MANBA: variants seen among roughly 807,000 people sequenced by gnomAD.
MANBA encodes the protein mannosidase beta.
Under a neutral mutation model 111.1 loss-of-function variants are expected in MANBA, and 83 were observed. The ratio of observed to expected loss-of-function variants is 0.75; its 90% CI spans 0.63 to 0.90. The LOEUF (loss-of-function observed/expected upper bound fraction) is 0.90. MANBA is among the 40% of genes least tolerant of loss of function. The probability of loss-of-function intolerance (pLI) is 0.00; values close to 1 mark genes in which losing one functional copy is unlikely to be tolerated. For synonymous variants in MANBA, 370 were observed against 378.7 expected (o/e 0.98, Z 0.27); for missense variants, 1,036 against 1,069.0 (o/e 0.97, Z 0.43).
At chr4:102,756,572 T>C (rs1280683751) in intron 1 of MANBA, among the ~76,000 whole-genome samples, 2 of 151,950 alleles carry the variant, frequency 1.3e-5, no homozygotes, top group African/African-American at 4.8e-5. Flanking sequence ...GGCACATGTA[T>C]ACATATGTAA....
rs1729546873 is a variant in MANBA, at chr4:102,634,856, T to TGA, written c.2346_2347insTC (p.Pro784AlafsTer50). The stretch of plus-strand genomic sequence containing the variant: ...GACAAGAAGTGGTAGTTGGTCGGGC[T>TGA]CAGGAGTTCATGGTCAGCTGAAAGG... On this transcript the variant is annotated frameshift_variant, in exon 16 of 17. Coordinates refer to ENST00000647097, the MANE Select transcript of MANBA (RefSeq NM_005908.4). LOFTEE classifies it high-confidence loss of function. 2 of 1,614,226 alleles carry TGA rather than the reference T, an allele frequency of 1.2e-6. No homozygotes were observed.
intron 4 of MANBA, among the ~76,000 whole-genome samples, chr4:102,720,197 G>A (rs1024742856): frequency 1.3e-5 from 2 of 152,198 alleles, no homozygotes; most frequent in African/African-American, 2.4e-5. Context: ...CACTTTGGGA[G>A]GCCAAGGTGG....
chr4:102,702,506 T>C (rs1386351443), intron 5 of MANBA, among the ~76,000 whole-genome samples: 3 of 152,130 alleles, frequency 2.0e-5, no homozygotes, highest in Admixed American at 2.0e-4. Flanking sequence ...TTTTGGTCTT[T>C]GATGATGGTG....
chr4:102,683,064 G>C (rs912597133), intron 7 of MANBA, among the ~76,000 whole-genome samples: 3 of 151,784 alleles, frequency 2.0e-5, no homozygotes, highest in African/African-American at 7.3e-5. Context: ...AGAGAGCCAA[G>C]AGTAGCACTT....
intron 8 of MANBA, 87 bp downstream of exon 8, chr4:102,673,832 G>T: frequency 1.6e-6 from 2 of 1,265,784 alleles, no homozygotes; most frequent in South Asian, 1.2e-5. Flanking sequence ...CTTGCCCAGA[G>T]ACTAAAGAAA....
At chr4:102,645,492 G>T (rs1730063444) in intron 13 of MANBA, among the ~76,000 whole-genome samples, 1 of 151,816 alleles carries the variant, frequency 6.6e-6, no homozygotes, top group Non-Finnish European at 1.5e-5. Flanking sequence ...ATCTGGTCCT[G>T]GATTTTTCTT....
intron 1 of MANBA, among the ~76,000 whole-genome samples, chr4:102,758,222 T>C (rs921640492): frequency 1.3e-5 from 2 of 152,216 alleles, no homozygotes; most frequent in Non-Finnish European, 2.9e-5. Flanking sequence ...GTCTATCTCC[T>C]CCATTAGAAT....
chr4:102,754,853 C>T (rs1723947947), intron 1 of MANBA, among the ~76,000 whole-genome samples: 1 of 152,002 alleles, frequency 6.6e-6, no homozygotes, highest in South Asian at 2.1e-4. Flanking sequence ...CTGTGCCTGC[C>T]CAAGAGTTGT....
chr4:102,748,802 A>G (rs1482009060), intron 1 of MANBA, among the ~76,000 whole-genome samples: 2 of 152,054 alleles, frequency 1.3e-5, no homozygotes, highest in Non-Finnish European at 2.9e-5. Context: ...AATCCCGGCT[A>G]CTCGGGAGGC....
chr4:102,758,960 G>T (rs1401815730), intron 1 of MANBA, among the ~76,000 whole-genome samples: 2 of 152,112 alleles, frequency 1.3e-5, no homozygotes, highest in Non-Finnish European at 2.9e-5. Flanking sequence ...AGAGAGTTAA[G>T]AAATCTCTTC....
At chr4:102,691,632 A>C (rs1369096983) in intron 5 of MANBA, among the ~76,000 whole-genome samples, 1 of 151,050 alleles carries the variant, frequency 6.6e-6, no homozygotes, top group Non-Finnish European at 1.5e-5. Context: ...CAGCCTTCTG[A>C]GCAGCTGGCA....
At chr4:102,751,857 A>G (rs1427978496) in intron 1 of MANBA, 10 of 525,658 alleles carry the variant, frequency 1.9e-5, no homozygotes, top group Non-Finnish European at 3.4e-5. Context: ...AAAAAAAGAT[A>G]GTTTGTCTTG....
chr4:102,727,811 A>G, intron 1 of MANBA: 1 of 642,904 alleles, frequency 1.6e-6, no homozygotes, highest in Non-Finnish European at 2.8e-6. Context: ...ATTCTGATGG[A>G]GAAATACTTC....
At position 102,632,262 on chromosome 4, in the gene MANBA, C is replaced by G. The variant is rs773604239; in HGVS notation, c.2435G>C (p.Gly812Ala). ...CTCCAGGTCAAAAACAAATATGTCA[C>G]CTTGCTGAGAGATGATGGCCTGAAA... is the stretch of plus-strand genomic sequence containing the variant. ...AQITAIISQQ[G>A]DIFVFDLETS... The change falls in exon 17 of 17, where the codon GGT becomes GCT. Residue 812 changes from glycine to alanine, a missense_variant. Gly to Ala is a moderately conservative substitution (Grantham distance 60). Coordinates refer to ENST00000647097, the MANE Select transcript of MANBA (RefSeq NM_005908.4). The G allele has an allele frequency of 6.2e-7, 1 of 1,611,208 alleles. No individual in the cohort carries two copies. Among genetic ancestry groups the G allele is most frequent in the Non-Finnish European group, 8.5e-7 (1 of 1,178,638 alleles).
chr4:102,696,229 GT>G (rs1732700917), intron 5 of MANBA, among the ~76,000 whole-genome samples: 1 of 152,016 alleles, frequency 6.6e-6, no homozygotes, highest in Admixed American at 6.6e-5. Flanking sequence ...TTGTCTCAAA[GT>G]AAAAAAAGAA....
intron 16 of MANBA, among the ~76,000 whole-genome samples, chr4:102,634,063 GAAGAT>G (rs1479248087): frequency 6.6e-6 from 1 of 152,160 alleles, no homozygotes; most frequent in East Asian, 1.9e-4. Flanking sequence ...TGAGTGTCCA[GAAGAT>G]AAGATAATAA....
intron 12 of MANBA, among the ~76,000 whole-genome samples, chr4:102,657,227 G>GGGA (rs1553944241): frequency 3.2e-5 from 4 of 123,340 alleles, no homozygotes; most frequent in African/African-American, 1.2e-4. Flanking sequence ...TGGGGTGGGG[G>GGGA]GGGGGTGGGC....
rs59822982 is a variant in MANBA, at chr4:102,668,892, C to G, written c.1317+71G>C. On this transcript the variant is annotated intron_variant, in intron 10 of 16. Coordinates refer to ENST00000647097, the MANE Select transcript of MANBA (RefSeq NM_005908.4). ...GTAGAGAACAAAAACCAAAATGAAG[C>G]AAGATTTAACAAAAGGCAATACTAA... 0.015 allele frequency: 19,836 copies of G among 1,297,512 alleles called. 1,790 individuals are homozygous for G. In the African/African-American group the frequency reaches 0.22, roughly 15 times the overall value. 80.4% of individuals were successfully genotyped at this position (1,297,512 alleles called of 1,614,324 possible). A position where few individuals can be genotyped will look rare whatever the true frequency, so the allele number is the denominator to read the frequency against.
chr4:102,741,011 A>G (rs1188436371), intron 1 of MANBA, among the ~76,000 whole-genome samples: 1 of 152,240 alleles, frequency 6.6e-6, no homozygotes, highest in African/African-American at 2.4e-5. Context: ...GTAAACAGAC[A>G]ACACACAGAG....
Sources: allele counts gnomAD v4.1 joint callset (sites outside exome capture counted in the v4.1 genomes callset), GRCh38; gene constraint gnomAD v4.1.1; transcripts MANE v1.5; gene names NCBI Gene and HGNC (gene_info 2026-07-23, HGNC 2026-07-21).